The following SCAND3 variants were observed in gnomAD, a reference collection of about 807,000 sequenced individuals.
SCAND3 encodes SCAN domain containing 3, also known as SCAN domain-containing protein 3.
At chr6:28,595,708 G>C in the SCAND3 span, among the ~76,000 whole-genome samples, 2 of 147,666 alleles carry the variant, frequency 1.4e-5, no homozygotes, top group East Asian at 1.9e-4. Flanking sequence ...GGCAACAAGA[G>C]CGAAACTCCG....
chr6:28,606,605 A>C, the SCAND3 span, among the ~76,000 whole-genome samples: 1 of 152,108 alleles, frequency 6.6e-6, no homozygotes, highest in African/African-American at 2.4e-5. Flanking sequence ...AGACGTGCGG[A>C]TCTGGGTGCC....
chr6:28,606,955 G>A, the SCAND3 span, among the ~76,000 whole-genome samples: 1 of 152,208 alleles, frequency 6.6e-6, no homozygotes, highest in Non-Finnish European at 1.5e-5. Context: ...AAAAGCGAGA[G>A]ACAACAGATT....
the SCAND3 span, chr6:28,573,638 C>T: frequency 1.2e-6 from 2 of 1,612,616 alleles, no homozygotes; most frequent in South Asian, 1.1e-5. Flanking sequence ...ACTTCACCAT[C>T]AATTACAGCT....
At chr6:28,597,438 A>G in the SCAND3 span, among the ~76,000 whole-genome samples, 4 of 152,176 alleles carry the variant, frequency 2.6e-5, no homozygotes, top group Admixed American at 2.6e-4. Context: ...TAAGCGTGGC[A>G]AAGTCATTTT....
chr6:28,574,618 C>T, the SCAND3 span: 1 of 1,583,412 alleles, frequency 6.3e-7, no homozygotes. Context: ...CCCCTGCTTT[C>T]ATCTACGGCA....
chr6:28,615,835 T>C, the SCAND3 span, among the ~76,000 whole-genome samples: 1 of 152,146 alleles, frequency 6.6e-6, no homozygotes, highest in African/African-American at 2.4e-5. Flanking sequence ...TGATGCAACA[T>C]CTCCATTTCA....
the SCAND3 span, among the ~76,000 whole-genome samples, chr6:28,597,458 C>T: frequency 6.6e-6 from 1 of 151,984 alleles, no homozygotes; most frequent in African/African-American, 2.4e-5. Context: ...TCTTCCTCCG[C>T]ACAGTTAGTC....
the SCAND3 span, among the ~76,000 whole-genome samples, chr6:28,598,876 C>CAAAAAAAAAAAAAAAAA: frequency 1.1e-4 from 8 of 74,280 alleles, no homozygotes; most frequent in Non-Finnish European, 1.6e-4. Flanking sequence ...GACTATGTCT[C>CAAAAAAAAAAAAAAAAA]AAAAAAAAAA....
the SCAND3 span, among the ~76,000 whole-genome samples, chr6:28,610,164 C>A: frequency 2.0e-5 from 3 of 152,082 alleles, no homozygotes; most frequent in African/African-American, 7.2e-5. Context: ...GGCTTTTTTC[C>A]CCCCAGGTTT....
At chr6:28,595,493 C>T in the SCAND3 span, among the ~76,000 whole-genome samples, 3 of 152,018 alleles carry the variant, frequency 2.0e-5, no homozygotes, top group Middle Eastern at 3.4e-3. Context: ...GAGGCCGAAA[C>T]GGGCAGATCA....
the SCAND3 span, chr6:28,575,181 C>T: frequency 1.1e-5 from 18 of 1,614,096 alleles, no homozygotes; most frequent in Non-Finnish European, 1.5e-5. This position sits in a 1 kb window ranked among gnomAD's most constrained non-coding sequence, Gnocchi z 4.2. Context: ...TGTGATAGGG[C>T]TGATTTTGGG....
At chr6:28,575,276 C>T in the SCAND3 span, 1 of 1,613,998 alleles carries the variant, frequency 6.2e-7, no homozygotes, top group Admixed American at 1.7e-5. The surrounding 1 kb of genome is among the most constrained non-coding windows in gnomAD (Gnocchi z 4.2). Flanking sequence ...CGGATATCCT[C>T]AGTTTGTTCT....
the SCAND3 span, among the ~76,000 whole-genome samples, chr6:28,602,567 C>T: frequency 6.6e-6 from 1 of 152,222 alleles, no homozygotes; most frequent in Non-Finnish European, 1.5e-5. Context: ...TTCTTCTCTG[C>T]CCCAATACCT....
the SCAND3 span, among the ~76,000 whole-genome samples, chr6:28,595,195 C>CAAAAAAAAAAAA: frequency 3.1e-4 from 5 of 16,118 alleles, 1 homozygote; most frequent in East Asian, 2.8e-3. Flanking sequence ...CCGTCACTAC[C>CAAAAAAAAAAAA]AAAAAAAAAA....
the SCAND3 span, among the ~76,000 whole-genome samples, chr6:28,610,745 A>G: frequency 2.8e-4 from 43 of 152,334 alleles, no homozygotes; most frequent in African/African-American, 9.4e-4. Context: ...ATATTTACCA[A>G]TTCAGAATTG....
At chr6:28,601,254 G>T in the SCAND3 span, among the ~76,000 whole-genome samples, 1 of 152,118 alleles carries the variant, frequency 6.6e-6, no homozygotes, top group Non-Finnish European at 1.5e-5. Flanking sequence ...ATATACTGAA[G>T]TATTTAAACA....
chr6:28,604,012 G>A, the SCAND3 span, among the ~76,000 whole-genome samples: 1 of 152,190 alleles, frequency 6.6e-6, no homozygotes, highest in Non-Finnish European at 1.5e-5. Context: ...GTTCCAAGAT[G>A]TTGAGAACTG....
chr6:28,599,032 A>G, the SCAND3 span, among the ~76,000 whole-genome samples: 1 of 152,204 alleles, frequency 6.6e-6, no homozygotes, highest in East Asian at 1.9e-4. Flanking sequence ...ATTAGCACCA[A>G]AAAAAGAAAA....
the SCAND3 span, among the ~76,000 whole-genome samples, chr6:28,578,818 C>G: frequency 6.6e-6 from 1 of 152,180 alleles, no homozygotes. Flanking sequence ...TCCACCTCTA[C>G]TATACATTAT....
Sources: allele counts gnomAD v4.1 joint callset (sites outside exome capture counted in the v4.1 genomes callset), GRCh38; gene constraint gnomAD v4.1.1; non-coding constraint Gnocchi (gnomAD v3.1); transcripts MANE v1.5; gene names NCBI Gene and HGNC (gene_info 2026-07-23, HGNC 2026-07-21).